The following MOB3B variants were observed in gnomAD, a reference collection of about 807,000 sequenced individuals.
MOB3B encodes MOB kinase activator-like 2B.
Under a neutral mutation model 18.7 loss-of-function variants are expected in MOB3B, and 7 were observed. The ratio of observed to expected loss-of-function variants is 0.37; its 90% CI spans 0.21 to 0.70. The LOEUF (loss-of-function observed/expected upper bound fraction) is 0.70. Ranked by LOEUF, MOB3B falls within the 30% of genes least tolerant of loss-of-function variation. The pLI is 0.52. For missense variants in MOB3B, 253 were observed against 281.3 expected, an observed-to-expected ratio of 0.90 and a Z score of 0.72; for synonymous variants, 111 against 99.9, an observed-to-expected ratio of 1.11 and a Z score of -0.66.
chr9:27,352,765 A>AT (rs1393369579), intron 3 of MOB3B, among the ~76,000 whole-genome samples: 9 of 152,228 alleles, frequency 5.9e-5, no homozygotes, highest in Non-Finnish European at 7.3e-5. Flanking sequence ...TCCATGGATC[A>AT]TGATATCTCT....
At chr9:27,475,666 C>T (rs1274845543) in intron 1 of MOB3B, among the ~76,000 whole-genome samples, 1 of 152,204 alleles carries the variant, frequency 6.6e-6, no homozygotes, top group Admixed American at 6.5e-5. Context: ...TGGCAGATAT[C>T]GACATCCATT....
chr9:27,385,157 T>C (rs1110265), intron 2 of MOB3B, among the ~76,000 whole-genome samples: 14,028 of 152,242 alleles, frequency 0.092, 889 homozygotes, highest in African/African-American at 0.18. Context: ...TTAGAAGTCA[T>C]TTGCCTGAAC....
intron 2 of MOB3B, among the ~76,000 whole-genome samples, chr9:27,410,872 A>G (rs951864965): frequency 3.9e-5 from 6 of 152,218 alleles, no homozygotes; most frequent in African/African-American, 1.4e-4. Context: ...ATCACACTAC[A>G]TATAATCTTG....
intron 2 of MOB3B, among the ~76,000 whole-genome samples, chr9:27,400,882 T>G (rs1821867887): frequency 6.6e-6 from 1 of 152,248 alleles, no homozygotes; most frequent in Non-Finnish European, 1.5e-5. Context: ...TAGCTTAGGC[T>G]TCTGTGGAGA....
At chr9:27,456,582 C>A (rs1822724) in intron 1 of MOB3B, among the ~76,000 whole-genome samples, 3 of 152,150 alleles carry the variant, frequency 2.0e-5, no homozygotes, top group African/African-American at 7.2e-5. Flanking sequence ...CAAAGCCTTA[C>A]TGTATTTCAG....
At chr9:27,485,716 A>G (rs188560683) in intron 1 of MOB3B, among the ~76,000 whole-genome samples, 3 of 152,194 alleles carry the variant, frequency 2.0e-5, no homozygotes, top group Non-Finnish European at 4.4e-5. Context: ...CAGAATTACC[A>G]TGATATCAAT....
intron 2 of MOB3B, chr9:27,421,566 G>A (rs1218851296): frequency 6.6e-6 from 1 of 152,348 alleles, no homozygotes; most frequent in Non-Finnish European, 1.5e-5. Flanking sequence ...CGGGGGGCGG[G>A]GGTTACTTCA....
At chr9:27,420,119 C>T (rs1822217316) in intron 2 of MOB3B, among the ~76,000 whole-genome samples, 1 of 152,090 alleles carries the variant, frequency 6.6e-6, no homozygotes, top group Admixed American at 6.5e-5. Context: ...CACCTTACTC[C>T]TGCAAGAATG....
At chr9:27,410,743 G>A (rs1407547726) in intron 2 of MOB3B, among the ~76,000 whole-genome samples, 1 of 151,330 alleles carries the variant, frequency 6.6e-6, no homozygotes, top group Non-Finnish European at 1.5e-5. Context: ...TCTTTAAAAT[G>A]AAAGTTATTC....
intron 1 of MOB3B, among the ~76,000 whole-genome samples, chr9:27,520,975 G>C (rs1446066821): frequency 6.6e-6 from 1 of 152,194 alleles, no homozygotes; most frequent in Non-Finnish European, 1.5e-5. Flanking sequence ...CTAATGGTGG[G>C]AGAAGGACAG....
chr9:27,495,922 C>A (rs10967964), intron 1 of MOB3B, among the ~76,000 whole-genome samples: 14,680 of 152,200 alleles, frequency 0.096, 859 homozygotes, highest in East Asian at 0.18. Context: ...CATCTCCTAT[C>A]CTGGAGGAAC....
At chr9:27,447,285 A>G (rs10757660) in intron 2 of MOB3B, among the ~76,000 whole-genome samples, 84,900 of 152,018 alleles carry the variant, frequency 0.56, 24,936 homozygotes, top group African/African-American at 0.71. Flanking sequence ...TTAAAGCTTG[A>G]CACTTAGACA....
chr9:27,524,257 G>T, intron 1 of MOB3B: 1 of 1,419,954 alleles, frequency 7.0e-7, no homozygotes, highest in Non-Finnish European at 9.5e-7. Flanking sequence ...AGATATTCAG[G>T]TATATAAAGG....
chr9:27,434,928 TG>T (rs1407279418), intron 2 of MOB3B, among the ~76,000 whole-genome samples: 1 of 152,178 alleles, frequency 6.6e-6, no homozygotes, highest in African/African-American at 2.4e-5. Flanking sequence ...ATATGTCTCT[TG>T]GCATGTTGAC....
intron 1 of MOB3B, among the ~76,000 whole-genome samples, chr9:27,478,118 A>ATTGT (rs1267710313): frequency 6.6e-6 from 1 of 152,236 alleles, no homozygotes; most frequent in Non-Finnish European, 1.5e-5. Flanking sequence ...ACAAATTTAC[A>ATTGT]TTGTTTAGGC....
At chr9:27,514,345 C>CAAAAAAAAAAAAAAAAAAAA (rs34526085) in intron 1 of MOB3B, among the ~76,000 whole-genome samples, 2 of 77,638 alleles carry the variant, frequency 2.6e-5, no homozygotes, top group African/African-American at 4.9e-5. Flanking sequence ...ACCACAAGCT[C>CAAAAAAAAAAAAAAAAAAAA]AAAAAAAAAA....
intron 3 of MOB3B, among the ~76,000 whole-genome samples, chr9:27,332,349 A>ATG (rs917475830): frequency 5.3e-5 from 8 of 152,242 alleles, no homozygotes; most frequent in African/African-American, 1.2e-4. Context: ...CAACAAGAGC[A>ATG]TGTGTGTGTG....
Position 27,455,305 on chromosome 9 carries a change from G to A in MOB3B, c.246C>T (p.Cys82=), listed in dbSNP as rs1822853385. 8 of 1,614,010 alleles carry A rather than the reference G, an allele frequency of 5.0e-6. No homozygotes were observed. The highest frequency in any genetic ancestry group is 6.8e-6 in the Non-Finnish European group (8 of 1,180,036). ...ACATCACAGGACAGGTCCGCTCGGT[G>A]CAGAACTCACAGATGGTGCCATAGA... ...NLIYGTICEF[C]TERTCPVMSG... Residue 82 remains cysteine, a synonymous_variant, in exon 2 of 4, where the codon TGC becomes TGT. Coordinates refer to ENST00000262244, the MANE Select transcript of MOB3B (RefSeq NM_024761.5).
intron 2 of MOB3B, among the ~76,000 whole-genome samples, chr9:27,402,235 G>A (rs758541700): frequency 2.0e-5 from 3 of 152,116 alleles, no homozygotes; most frequent in Admixed American, 2.0e-4. Flanking sequence ...TAAAAATTAG[G>A]CAGGTCATAA....
Sources: allele counts gnomAD v4.1 joint callset (sites outside exome capture counted in the v4.1 genomes callset), GRCh38; gene constraint gnomAD v4.1.1; transcripts MANE v1.5; gene names NCBI Gene and HGNC (gene_info 2026-07-23, HGNC 2026-07-21).